Variants in RREB1 observed in about 807,000 individuals in gnomAD.
RREB1 encodes the protein ras responsive element binding protein 1.
RREB1 carries 27 observed loss-of-function variants against 117.8 expected under a neutral mutation model. That is an observed-to-expected ratio of 0.23 (90% confidence interval 0.17 to 0.32). RREB1 has a LOEUF of 0.32. Among genes scored for constraint, RREB1 ranks in the 10% least tolerant of loss-of-function variants. RREB1 has a pLI of 1.00. For synonymous variants in RREB1, 1,298 were observed against 1,026.7 expected (o/e 1.26, Z -5.05); for missense variants, 2,577 against 2,378.2 (o/e 1.08, Z -1.74).
intron 1 of RREB1, among the ~76,000 whole-genome samples, chr6:7,110,053 A>AGACTT (rs142943521): frequency 0.015 from 2,317 of 152,342 alleles, 63 homozygotes; most frequent in African/African-American, 0.053. Flanking sequence ...TGTCTTAAGA[A>AGACTT]GAAATGATTT....
intron 6 of RREB1, among the ~76,000 whole-genome samples, chr6:7,208,423 G>A (rs190679915): frequency 1.3e-5 from 2 of 152,316 alleles, no homozygotes; most frequent in Non-Finnish European, 1.5e-5. Flanking sequence ...CAGTTCACCC[G>A]TGGGCTGAAT....
intron 1 of RREB1, among the ~76,000 whole-genome samples, chr6:7,164,818 A>G (rs773091886): frequency 1.6e-4 from 24 of 152,244 alleles, no homozygotes; most frequent in Non-Finnish European, 2.9e-4. Flanking sequence ...TCCAAAGGCG[A>G]GGGGTCCAGT....
chr6:7,188,641 A>G lies in RREB1; in HGVS notation c.262-518A>G, dbSNP rs369546614. The stretch of plus-strand genomic sequence containing the variant: ...TAGTAAAATCATGACATAGTACTGA[A>G]TTAACATCAAGTTACTAAAGTAACT... On this transcript the variant is annotated intron_variant, in intron 5 of 12. Coordinates refer to ENST00000379938, the MANE Select transcript of RREB1 (RefSeq NM_001003699.4). Among the ~76,000 whole-genome samples, 56 of 152,318 alleles carry G rather than the reference A, an allele frequency of 3.7e-4. No homozygotes were observed. The South Asian group carries it at 9.7e-3, about 27-fold the overall frequency.
chr6:7,133,426 C>G (rs1465178129), intron 1 of RREB1, among the ~76,000 whole-genome samples: 2 of 152,064 alleles, frequency 1.3e-5, no homozygotes, highest in Non-Finnish European at 1.5e-5. Context: ...TTTTACCCAT[C>G]ATAAAATGTT....
chr6:7,237,544 G>A (rs1430010585), intron 10 of RREB1, among the ~76,000 whole-genome samples: 2 of 152,146 alleles, frequency 1.3e-5, no homozygotes, highest in African/African-American at 2.4e-5. Context: ...TGGTTTAAGC[G>A]CTCGCGTTGG....
At chr6:7,217,077 C>T (rs1244844467) in intron 8 of RREB1, 1 of 152,328 alleles carries the variant, frequency 6.6e-6, no homozygotes, top group Non-Finnish European at 1.5e-5. Flanking sequence ...TGGCCAGGGC[C>T]CTGTCACAGG....
Position 7,145,286 on chromosome 6 carries a change from G to A in RREB1, c.-284-31369G>A, listed in dbSNP as rs189401036. The stretch of plus-strand genomic sequence containing the variant: ...TGGTTTTGACCTGGACCTTTCAACT[G>A]AGCAAAGTCTCCTTGGACTTTTCTC... On this transcript the variant is annotated intron_variant, in intron 1 of 12. Coordinates refer to ENST00000379938, the MANE Select transcript of RREB1 (RefSeq NM_001003699.4). Among the ~76,000 whole-genome samples, 199 of 152,292 alleles carry A rather than the reference G, an allele frequency of 1.3e-3. 1 individual carries two copies. Among genetic ancestry groups the A allele is most frequent in the African/African-American group, 4.7e-3 (194 of 41,556 alleles).
At chr6:7,141,125 G>A (rs1762555796) in intron 1 of RREB1, among the ~76,000 whole-genome samples, 2 of 152,194 alleles carry the variant, frequency 1.3e-5, no homozygotes, top group South Asian at 4.1e-4. Context: ...ACGGCCGCAG[G>A]GGCCCCCTCG....
rs900581814 is a variant in RREB1, at chr6:7,196,352, A to G, written c.425+7030A>G. On this transcript the variant is annotated intron_variant, in intron 6 of 12. Transcript: ENST00000379938. ...GTGCCTTTATAGAGCAACTCACTCT[A>G]TTTCCTTTGGCCTGTGGTCATTTTA... is the stretch of plus-strand genomic sequence containing the variant. Among the ~76,000 whole-genome samples, 9 of 148,742 alleles carry G rather than the reference A, an allele frequency of 6.1e-5. No individual in the cohort carries two copies. In the South Asian group the frequency reaches 8.4e-4, roughly 14 times the overall value.
intron 9 of RREB1, among the ~76,000 whole-genome samples, chr6:7,227,640 C>A (rs1767665323): frequency 1.3e-5 from 2 of 152,140 alleles, no homozygotes; most frequent in South Asian, 4.1e-4. Context: ...AAAAAAAAAT[C>A]TTTCTTTACT....
intron 6 of RREB1, among the ~76,000 whole-genome samples, chr6:7,200,431 A>G (rs1480820070): frequency 2.6e-5 from 4 of 151,794 alleles, no homozygotes; most frequent in Admixed American, 6.6e-5. Flanking sequence ...CACCATACCC[A>G]GCTAATTTTG....
At chr6:7,181,404 T>G (rs1764787020) in intron 3 of RREB1, 158 bp downstream of exon 3, 1 of 401,104 alleles carries the variant, frequency 2.5e-6, no homozygotes, top group Non-Finnish European at 4.4e-6. Flanking sequence ...AAATTCAGGC[T>G]CCCCATCAGA....
At chr6:7,141,119 C>T (rs1486833777) in intron 1 of RREB1, among the ~76,000 whole-genome samples, 1 of 152,214 alleles carries the variant, frequency 6.6e-6, no homozygotes, top group East Asian at 1.9e-4. Flanking sequence ...GGCTCCACGG[C>T]CGCAGGGGCC....
intron 1 of RREB1, among the ~76,000 whole-genome samples, chr6:7,176,364 C>G (rs1764500753): frequency 6.6e-6 from 1 of 152,162 alleles, no homozygotes; most frequent in Admixed American, 6.5e-5. Flanking sequence ...CCCCCCGGAG[C>G]CAGTGGTCCG....
intron 1 of RREB1, among the ~76,000 whole-genome samples, chr6:7,123,515 A>C (rs181609618): frequency 1.3e-5 from 2 of 151,534 alleles, no homozygotes; most frequent in East Asian, 3.9e-4. Context: ...AGATTACTGA[A>C]TAAGTTAATA....
intron 1 of RREB1, among the ~76,000 whole-genome samples, chr6:7,125,327 C>T (rs1264264901): frequency 6.6e-6 from 1 of 152,200 alleles, no homozygotes; most frequent in African/African-American, 2.4e-5. Flanking sequence ...TCACCCTGTT[C>T]CCCTTGGAAA....
At chr6:7,217,644 A>G (rs1766980819) in intron 8 of RREB1, 1 of 152,310 alleles carries the variant, frequency 6.6e-6, no homozygotes, top group Middle Eastern at 3.4e-3. Flanking sequence ...TGGAAAATAG[A>G]TTTGAAGGCT....
intron 10 of RREB1, among the ~76,000 whole-genome samples, chr6:7,237,582 T>G (rs1368212253): frequency 6.6e-6 from 1 of 152,158 alleles, no homozygotes; most frequent in Admixed American, 6.5e-5. Flanking sequence ...AGGTCCTGAG[T>G]GCGCAGGTAA....
upstream of RREB1, chr6:7,107,883 C>T (rs190352051): frequency 0.013 from 1,985 of 153,160 alleles, 18 homozygotes; most frequent in Middle Eastern, 0.046. Context: ...TCGCCCACCT[C>T]CCTCCCTGTG....
Sources: allele counts gnomAD v4.1 joint callset (sites outside exome capture counted in the v4.1 genomes callset), GRCh38; gene constraint gnomAD v4.1.1; transcripts MANE v1.5; gene names NCBI Gene and HGNC (gene_info 2026-07-23, HGNC 2026-07-21).